KCNH3: variants seen among roughly 807,000 people sequenced by gnomAD.
The protein encoded by KCNH3 is voltage-gated inwardly rectifying potassium channel KCNH3.
A neutral mutation model predicts 95.6 loss-of-function variants in KCNH3; 36 were observed. That is an observed-to-expected ratio of 0.38 (90% CI 0.29 to 0.50). The LOEUF (loss-of-function observed/expected upper bound fraction) is 0.50. Among genes scored for constraint, KCNH3 ranks in the 20% least tolerant of loss-of-function variants. The pLI is 0.95. For missense variants in KCNH3, 1,030 were observed against 1,484.1 expected, an observed-to-expected ratio of 0.69 and a Z score of 5.03; for synonymous variants, 620 against 646.3, an observed-to-expected ratio of 0.96 and a Z score of 0.62.
chr12:49,547,650 G>A (rs1938105468), intron 7 of KCNH3, among the ~76,000 whole-genome samples: 2 of 152,242 alleles, frequency 1.3e-5, no homozygotes, highest in Admixed American at 1.3e-4. Context: ...TGAGGTTGCT[G>A]AATGAATGAG....
At position 49,549,355 on chromosome 12, in the gene KCNH3, C is replaced by T. The variant is rs933800369; in HGVS notation, c.1469-86C>T. 9 of 1,524,704 alleles carry T rather than the reference C, an allele frequency of 5.9e-6. No individual in the cohort carries two copies. In the East Asian group the frequency reaches 1.6e-4, roughly 27 times the overall value. 94.4% of individuals were successfully genotyped at this position (1,524,704 alleles called of 1,614,324 possible). ...GCGGCCTTCAGGCCTTGCCTAGGAG[C>T]GTGCGGGCCGAGGACAGATGAGCCC... is the stretch of plus-strand genomic sequence containing the variant. On this transcript the variant is annotated intron_variant, in intron 8 of 14. Transcript: ENST00000257981.
At chr12:49,552,514 C>T (rs779898796) in intron 10 of KCNH3, among the ~76,000 whole-genome samples, 31 of 152,228 alleles carry the variant, frequency 2.0e-4, no homozygotes, top group Non-Finnish European at 4.1e-4. Flanking sequence ...TGGTCGGGTT[C>T]TCTGCTTTGC....
Position 49,543,304 on chromosome 12 carries a change from T to C in KCNH3, c.609T>C (p.Pro203=). The C allele has an allele frequency of 1.2e-6, 2 of 1,613,752 alleles. No homozygotes were observed. Among genetic ancestry groups the C allele is most frequent in the Non-Finnish European group, 1.7e-6 (2 of 1,180,004 alleles). ...KGVFGEKPNL[P]EYKVAAIRKS... ...TGTTTGGGGAGAAACCAAACTTGCC[T>C]GAGTACAAAGTAGCCGCCATCCGGA... is the stretch of plus-strand genomic sequence containing the variant. The change falls in exon 5 of 15, where the codon CCT becomes CCC. Residue 203 remains proline, a synonymous_variant. Transcript: ENST00000257981.
At position 49,539,613 on chromosome 12, in the gene KCNH3, C is replaced by A; in HGVS notation, c.76+121C>A. ...CCTATTCTCACCCTCTCCTCCCTAC[C>A]CGCCCCTCTTGAGGCTGGGGCCATC... On this transcript the variant is annotated intron_variant, in intron 1 of 14. Coordinates refer to ENST00000257981, the MANE Select transcript of KCNH3 (RefSeq NM_012284.3). This position sits in a 1 kb window ranked among gnomAD's most constrained non-coding sequence, Gnocchi z 6.7. 2 of 803,548 alleles carry A rather than the reference C, an allele frequency of 2.5e-6. No individual in the cohort carries two copies. The allele number at this position is 803,548 out of a possible 1,614,324, so 49.8% of individuals were successfully genotyped here. A position where few individuals can be genotyped will look rare whatever the true frequency, so the allele number is the denominator to read the frequency against.
chr12:49,556,188 TG>T, intron 12 of KCNH3, 181 bp from the exon 13 acceptor site: 1 of 612,430 alleles, frequency 1.6e-6, no homozygotes, highest in Non-Finnish European at 2.9e-6. Context: ...TGCTCAAGCT[TG>T]GCCCCCCAGC....
At chr12:49,543,570 T>G (rs1377925263) in intron 5 of KCNH3, 52 bp downstream of exon 5, 1 of 1,568,292 alleles carries the variant, frequency 6.4e-7, no homozygotes, top group Non-Finnish European at 8.6e-7. Flanking sequence ...CCCTGGGGCT[T>G]TGCTGGGGAT....
rs1937874388 is a variant in KCNH3 at position 49,541,646 on chromosome 12, T to C, written c.327T>C (p.Cys109=). 1 of 1,614,016 alleles carries C rather than the reference T, an allele frequency of 6.2e-7. No individual in the cohort carries two copies. The highest frequency in any genetic ancestry group is 1.1e-5 in the South Asian group (1 of 91,074). ...LYRKSGLPFW[C]LLDVIPIKNE... ...TGTGCCCAGGGCTCCCGTTCTGGTG[T>C]CTCCTGGATGTGATACCCATAAAGA... Residue 109 remains cysteine (C), a synonymous_variant, in exon 3 of 15, where the codon TGT becomes TGC. Coordinates refer to ENST00000257981, the MANE Select transcript of KCNH3 (RefSeq NM_012284.3).
In KCNH3 at chr12:49,549,482, A is replaced by G. The variant is rs776793570; in HGVS notation, c.1510A>G (p.Ile504Val). ...AVVFGNVTAIIQRMYARRFLY... is the reference protein window; with the variant it reads ...AVVFGNVTAIVQRMYARRFLY... The stretch of plus-strand genomic sequence containing the variant: ...GGTGTTTGGGAACGTGACGGCCATC[A>G]TCCAGCGCATGTACGCCCGCCGCTT... Residue 504 changes from isoleucine (I) to valine (V), a missense_variant, in exon 9 of 15, where the codon ATC becomes GTC. Around this residue, in one of 9 missense-constraint regions of KCNH3, gnomAD observed 160 missense variants for 316.2 expected, o/e 0.51. Coordinates refer to ENST00000257981, the MANE Select transcript of KCNH3 (RefSeq NM_012284.3). 6.2e-7 allele frequency: 1 copy of G among 1,613,464 alleles called. No homozygotes were observed. Among genetic ancestry groups the G allele is most frequent in the Admixed American group, 1.7e-5 (1 of 60,026 alleles).
Position 49,557,884 on chromosome 12 carries a change from G to A in KCNH3, c.3183G>A (p.Glu1061=). Residue 1061 remains glutamate, a synonymous_variant, in exon 15 of 15, where the codon GAG becomes GAA. Coordinates refer to ENST00000257981, the MANE Select transcript of KCNH3 (RefSeq NM_012284.3). ...TGCCCTGGGACCCCCACAGCCTGGA[G>A]ATGGTGCTTATTGGCTGCCATGGCT... The part of the protein sequence containing the change: ...LALPWDPHSL[E]MVLIGCHGSG... 1 of 1,554,942 alleles carries A rather than the reference G, an allele frequency of 6.4e-7. No homozygotes were observed. Among genetic ancestry groups the A allele is most frequent in the Non-Finnish European group, 8.7e-7 (1 of 1,150,716 alleles).
intron 2 of KCNH3, 28 bp from the exon 3 acceptor site, chr12:49,541,602 G>A: frequency 6.2e-7 from 1 of 1,613,108 alleles, no homozygotes; most frequent in South Asian, 1.1e-5. Flanking sequence ...GAGAATAGGA[G>A]GTGGGCTGAG....
rs115915935 is a variant in KCNH3, at chr12:49,550,920, G to A, written c.1918+591G>A. ...CTAGACGCAGATGAAGAAATTGCAG[G>A]TGTGGAATGGACACAATAGTAGTGC... On this transcript the variant is annotated intron_variant, in intron 10 of 14. Transcript: ENST00000257981. Among the ~76,000 whole-genome samples, 535 of 152,344 alleles carry A rather than the reference G, an allele frequency of 3.5e-3. 2 individuals carry two copies. Among genetic ancestry groups the A allele is most frequent in the African/African-American group, 0.012 (499 of 41,584 alleles).
chr12:49,557,284 G>A (rs1249467347), intron 14 of KCNH3, 25 bp downstream of exon 14: 1 of 1,613,856 alleles, frequency 6.2e-7, no homozygotes, highest in South Asian at 1.1e-5. Flanking sequence ...AGGTGGAGGT[G>A]AGGGGGGCAC....
At chr12:49,548,290 C>T (rs1309778853) in intron 7 of KCNH3, among the ~76,000 whole-genome samples, 1 of 152,212 alleles carries the variant, frequency 6.6e-6, no homozygotes, top group East Asian at 1.9e-4. Context: ...GTTGAGGCGC[C>T]TGTAAGGGGC....
At chr12:49,548,249 A>AGT (rs1442307657) in intron 7 of KCNH3, among the ~76,000 whole-genome samples, 3 of 152,008 alleles carry the variant, frequency 2.0e-5, no homozygotes, top group African/African-American at 4.8e-5. Context: ...CCCTCTCCCA[A>AGT]GTGTGCACAG....
At position 49,543,874 on chromosome 12, in the gene KCNH3, C is replaced by A. The variant is rs779839329; in HGVS notation, c.824-41C>A. The stretch of plus-strand genomic sequence containing the variant: ...AGGTGTCCAGGCAAGAGTGGCTGCC[C>A]CCCCAGCCCCAGTGCTGACTCCCAC... On this transcript the variant is annotated intron_variant, in intron 5 of 14. Coordinates refer to ENST00000257981, the MANE Select transcript of KCNH3 (RefSeq NM_012284.3). The A allele has an allele frequency of 3.7e-5, 58 of 1,582,868 alleles. 3 individuals carry two copies. In the South Asian group the frequency reaches 6.6e-4, roughly 18 times the overall value.
chr12:49,546,690 G>C (rs1331471894), intron 7 of KCNH3, among the ~76,000 whole-genome samples: 1 of 152,090 alleles, frequency 6.6e-6, no homozygotes, highest in East Asian at 1.9e-4. Flanking sequence ...GCCTGACCCC[G>C]CCCACCTGGA....
intron 12 of KCNH3, 120 bp from the exon 13 acceptor site, chr12:49,556,250 C>A: frequency 1.3e-6 from 1 of 758,142 alleles, no homozygotes; most frequent in East Asian, 2.5e-5. Context: ...TTCTCCTGGG[C>A]TCCTGGTCAG....
intron 10 of KCNH3, among the ~76,000 whole-genome samples, chr12:49,552,179 G>T (rs145751001): frequency 6.6e-6 from 1 of 152,232 alleles, no homozygotes; most frequent in East Asian, 1.9e-4. Flanking sequence ...CAGGATTGAC[G>T]AGTGGATTAC....
Position 49,554,498 on chromosome 12 carries a change from C to T in KCNH3, c.2080C>T (p.Arg694Cys), listed in dbSNP as rs546756594. Residue 694 changes from arginine to cysteine, a missense_variant, in exon 11 of 15, where the codon CGT becomes TGT. Around this residue, in one of 9 missense-constraint regions of KCNH3, gnomAD observed 160 missense variants for 316.2 expected, o/e 0.51. Transcript: ENST00000257981. ...CCCCGAGTTTGCCCCGCGCTTCAGT[C>T]GTGGCCTCCGAGGGGAGCTCAGCTA... ...LYPEFAPRFS[R>C]GLRGELSYNL... 1.9e-6 allele frequency: 3 copies of T among 1,613,782 alleles called. No homozygotes were observed. Among genetic ancestry groups the T allele is most frequent in the East Asian group, 2.2e-5 (1 of 44,886 alleles).
Sources: gnomAD v4.1 joint callset for allele counts (sites outside exome capture counted in the v4.1 genomes callset) on GRCh38, gnomAD v4.1.1 for gene constraint, gnomAD v4.1.1 regional missense constraint, Gnocchi (gnomAD v3.1) non-coding constraint, MANE v1.5 for transcripts, NCBI Gene and HGNC (gene_info 2026-07-23, HGNC 2026-07-21) for gene names.